Variants in PPP1R12A observed in about 807,000 individuals in gnomAD.
The protein encoded by PPP1R12A is myosin binding subunit.
PPP1R12A carries 19 observed loss-of-function variants against 139.6 expected under a neutral mutation model. That is an observed-to-expected ratio of 0.14 (90% CI 0.09 to 0.20). PPP1R12A has a LOEUF of 0.20. PPP1R12A is among the 10% of genes least tolerant of loss of function. The pLI, the probability that PPP1R12A is intolerant of heterozygous loss-of-function variation, is 1.00. For synonymous variants in PPP1R12A, 427 were observed against 420.6 expected, an observed-to-expected ratio of 1.02 and a Z score of -0.19; for missense variants, 925 against 1,211.5, an observed-to-expected ratio of 0.76 and a Z score of 3.51.
intron 13 of PPP1R12A, 137 bp from the exon 14 acceptor site, chr12:79,805,905 T>A: frequency 9.5e-7 from 1 of 1,049,980 alleles, no homozygotes; most frequent in South Asian, 1.8e-5. Context: ...CCTTAAATTA[T>A]GAACCAAAAA....
chr12:79,803,620 CAAAG>C (rs1489591228), intron 14 of PPP1R12A, among the ~76,000 whole-genome samples: 1 of 151,934 alleles, frequency 6.6e-6, no homozygotes, highest in Non-Finnish European at 1.5e-5. Context: ...AAATAAAAGA[CAAAG>C]AGAAGAGGCC....
chr12:79,839,219 G>C (rs1435775592), intron 3 of PPP1R12A, among the ~76,000 whole-genome samples: 1 of 152,134 alleles, frequency 6.6e-6, no homozygotes, highest in Non-Finnish European at 1.5e-5. Flanking sequence ...CTTTGTTTTG[G>C]CCAATTTCTC....
chr12:79,797,336 G>T lies in PPP1R12A; in HGVS notation c.2151C>A (p.Thr717=). The change falls in exon 16 of 25, where the codon ACC becomes ACA. Residue 717 remains threonine, a synonymous_variant. Coordinates refer to ENST00000450142, the MANE Select transcript of PPP1R12A (RefSeq NM_002480.3). Reference sequence around the variant, plus strand: ...CTTCATTTTCTTGTTCTCTGGTTCGGGTAGAACGACTTCTTCCTATTGTTT... The same window carrying T: ...CTTCATTTTCTTGTTCTCTGGTTCGTGTAGAACGACTTCTTCCTATTGTTT... ...AEKTIGRSRS[T]RTREQENEEK... is the part of the protein sequence containing the mutation. The T allele has an allele frequency of 1.9e-6, 3 of 1,601,672 alleles. No individual in the cohort carries two copies. The highest frequency in any genetic ancestry group is 2.7e-5 in the African/African-American group (2 of 74,486).
At chr12:79,821,622 G>A (rs1177877743) in intron 6 of PPP1R12A, among the ~76,000 whole-genome samples, 5 of 152,040 alleles carry the variant, frequency 3.3e-5, no homozygotes, top group Middle Eastern at 3.4e-3. Flanking sequence ...GCATGGTGGC[G>A]TGTACCTGTA....
chr12:79,930,759 C>A lies in PPP1R12A; in HGVS notation c.237+3936G>T, dbSNP rs371216136. 3.6e-4 allele frequency among the ~76,000 whole-genome samples: 54 copies of A among 151,778 alleles called. 1 individual carries two copies. The highest frequency in any genetic ancestry group is 1.2e-3 in the African/African-American group (51 of 41,376). On this transcript the variant is annotated intron_variant, in intron 1 of 24. Coordinates refer to ENST00000450142, the MANE Select transcript of PPP1R12A (RefSeq NM_002480.3). ...TGCACTCCAGCCTGGGCAACAAGAG[C>A]AAAACTCCATCTCAAAAAAATAAAA...
chr12:79,891,733 G>T (rs1884663411), intron 1 of PPP1R12A, among the ~76,000 whole-genome samples: 1 of 152,108 alleles, frequency 6.6e-6, no homozygotes, highest in African/African-American at 2.4e-5. Context: ...TTCCATCTTG[G>T]CATGCACCCT....
At chr12:79,874,274 C>CAAA in intron 1 of PPP1R12A, among the ~76,000 whole-genome samples, 1 of 85,380 alleles carries the variant, frequency 1.2e-5, no homozygotes. Flanking sequence ...ACTCCGTCTC[C>CAAA]AAAAAAAAAA....
intron 1 of PPP1R12A, among the ~76,000 whole-genome samples, chr12:79,883,773 G>T (rs530461907): frequency 6.6e-6 from 1 of 151,976 alleles, no homozygotes; most frequent in African/African-American, 2.4e-5. Context: ...AAGGAAAGGG[G>T]TAAGATTAAA....
intron 1 of PPP1R12A, among the ~76,000 whole-genome samples, chr12:79,926,433 C>T (rs750027833): frequency 5.9e-5 from 9 of 152,114 alleles, no homozygotes; most frequent in Non-Finnish European, 8.8e-5. Context: ...TCAGGTGATC[C>T]GCCTGCCTAG....
Position 79,775,236 on chromosome 12 carries a change from A to T in PPP1R12A, c.*693T>A, listed in dbSNP as rs1869603902. The T allele has an allele frequency of 6.6e-6, 1 of 152,602 alleles. No individual in the cohort carries two copies. The highest frequency in any genetic ancestry group is 2.4e-5 in the African/African-American group (1 of 41,458). 9.5% of individuals were successfully genotyped at this position (152,602 alleles called of 1,614,324 possible). A position where few individuals can be genotyped will look rare whatever the true frequency, so the allele number is the denominator to read the frequency against. On this transcript the variant is annotated 3_prime_UTR_variant, in exon 25 of 25. Transcript: ENST00000450142. ...AAGATCTAACCTCAAATGACTTTAA[A>T]GCATTCATATAAGAAATAAATGCAT...
At chr12:79,777,156 T>C in intron 24 of PPP1R12A, 2 of 895,890 alleles carry the variant, frequency 2.2e-6, no homozygotes, top group Non-Finnish European at 1.3e-6. Context: ...CTTCAAAATA[T>C]ATTAATTATA....
intron 20 of PPP1R12A, among the ~76,000 whole-genome samples, chr12:79,789,102 C>T (rs1871480262): frequency 6.6e-6 from 1 of 151,958 alleles, no homozygotes; most frequent in South Asian, 2.1e-4. Context: ...ATGCCTAATT[C>T]TGTACTTTTG....
At chr12:79,927,149 C>G (rs1490325113) in intron 1 of PPP1R12A, among the ~76,000 whole-genome samples, 1 of 152,142 alleles carries the variant, frequency 6.6e-6, no homozygotes, top group Non-Finnish European at 1.5e-5. Flanking sequence ...GTTCATGCCA[C>G]TGCACTCCAG....
At chr12:79,924,044 A>C (rs1887648046) in intron 1 of PPP1R12A, among the ~76,000 whole-genome samples, 1 of 152,204 alleles carries the variant, frequency 6.6e-6, no homozygotes, top group South Asian at 2.1e-4. Context: ...ACTCCGTCTC[A>C]AAAAATAAAA....
chr12:79,844,025 T>A (rs1233989897), intron 3 of PPP1R12A, among the ~76,000 whole-genome samples: 1 of 152,074 alleles, frequency 6.6e-6, no homozygotes, highest in African/African-American at 2.4e-5. Context: ...TATATATACA[T>A]ACATATATAT....
intron 1 of PPP1R12A, among the ~76,000 whole-genome samples, chr12:79,911,990 A>G (rs1886606850): frequency 6.6e-6 from 1 of 152,032 alleles, no homozygotes; most frequent in African/African-American, 2.4e-5. Flanking sequence ...ACCTCAACCT[A>G]TCTCTATACT....
rs575710670 is a variant in PPP1R12A at position 79,828,313 on chromosome 12, C to T, written c.792+7G>A. 20 of 1,600,422 alleles carry T rather than the reference C, an allele frequency of 1.2e-5. No homozygotes were observed. The highest frequency in any genetic ancestry group is 5.1e-5 in the Admixed American group (3 of 58,682). On this transcript the variant is annotated splice_region_variant and intron_variant, in intron 5 of 24. Coordinates refer to ENST00000450142, the MANE Select transcript of PPP1R12A (RefSeq NM_002480.3). ...TTAAAGTATTAAAATACGTTTAAAA[C>T]GCCTACCACTTTGTTGACCATCTCC...
intron 1 of PPP1R12A, among the ~76,000 whole-genome samples, chr12:79,890,949 T>TCA (rs1451948007): frequency 1.0e-5 from 1 of 97,350 alleles, no homozygotes; most frequent in Non-Finnish European, 2.5e-5. Context: ...ACACATTCAC[T>TCA]CACTCTCTCT....
At position 79,926,106 on chromosome 12, in the gene PPP1R12A, A is replaced by T. The variant is rs1887821113; in HGVS notation, c.237+8589T>A. ...GAACACTCAAGGATTTGTTTAAAGA[A>T]TTTTTAAACTAAGTTACATAAACTG... is the stretch of plus-strand genomic sequence containing the variant. On this transcript the variant is annotated intron_variant, in intron 1 of 24. Coordinates refer to ENST00000450142, the MANE Select transcript of PPP1R12A (RefSeq NM_002480.3). 1.3e-5 allele frequency among the ~76,000 whole-genome samples: 2 copies of T among 152,286 alleles called. 1 individual carries two copies. Among genetic ancestry groups the T allele is most frequent in the South Asian group, 4.1e-4 (2 of 4,822 alleles).
Sources: gnomAD v4.1 joint callset for allele counts (sites outside exome capture counted in the v4.1 genomes callset) on GRCh38, gnomAD v4.1.1 for gene constraint, MANE v1.5 for transcripts, NCBI Gene and HGNC (gene_info 2026-07-23, HGNC 2026-07-21) for gene names.